XYLT1: variants seen among roughly 807,000 people sequenced by gnomAD.
The protein encoded by XYLT1 is xylosyltransferase 1, also known as beta-D-xylosyltransferase 1.
In XYLT1, 36 loss-of-function variants were observed where a neutral mutation model predicts 91.3. The observed-to-expected ratio is 0.39, with a 90% CI of 0.30 to 0.52. The LOEUF is 0.52. XYLT1 is among the 20% of genes least tolerant of loss of function. The pLI, the probability that XYLT1 is intolerant of heterozygous loss-of-function variation, is 0.68. For missense variants in XYLT1, 1,242 were observed against 1,284.5 expected (o/e 0.97, Z 0.51); for synonymous variants, 588 against 532.0 (o/e 1.11, Z -1.45).
intron 2 of XYLT1, among the ~76,000 whole-genome samples, chr16:17,281,503 T>C (rs536569429): frequency 3.8e-4 from 57 of 151,714 alleles, no homozygotes; most frequent in Non-Finnish European, 5.7e-4. Flanking sequence ...ACATTTATGT[T>C]GTTAAAAAAA....
intron 2 of XYLT1, among the ~76,000 whole-genome samples, chr16:17,326,696 G>T (rs1174630536): frequency 6.6e-6 from 1 of 151,980 alleles, no homozygotes; most frequent in Non-Finnish European, 1.5e-5. Context: ...GTGGTGGCAG[G>T]CACCTGTAGT....
intron 5 of XYLT1, among the ~76,000 whole-genome samples, chr16:17,160,948 A>C (rs184600005): frequency 2.6e-4 from 39 of 152,302 alleles, no homozygotes; most frequent in African/African-American, 8.7e-4. Context: ...ACTCTCCGCA[A>C]CAGTTCATTA....
At chr16:17,334,851 C>T (rs1193342341) in intron 2 of XYLT1, among the ~76,000 whole-genome samples, 1 of 151,736 alleles carries the variant, frequency 6.6e-6, no homozygotes, top group East Asian at 1.9e-4. Flanking sequence ...CCACTGCATT[C>T]CAGCCTGGGC....
At position 17,462,770 on chromosome 16, in the gene XYLT1, A is replaced by G. The variant is rs1596559467; in HGVS notation, c.363+7664T>C. Reference sequence around the variant, plus strand: ...CCTCCTCCGCTTCTCCCTTGGTTAGAGAGAGCTGAATTCAAGACTCCTCTC... The same window carrying G: ...CCTCCTCCGCTTCTCCCTTGGTTAGGGAGAGCTGAATTCAAGACTCCTCTC... On this transcript the variant is annotated intron_variant, in intron 1 of 11. Transcript: ENST00000261381. 3.9e-5 allele frequency among the ~76,000 whole-genome samples: 6 copies of G among 152,286 alleles called. 1 individual carries two copies. In the South Asian group the frequency reaches 1.2e-3, roughly 32 times the overall value.
chr16:17,349,807 T>C (rs947074796), intron 2 of XYLT1, among the ~76,000 whole-genome samples: 4 of 152,184 alleles, frequency 2.6e-5, no homozygotes, highest in Middle Eastern at 3.4e-3. Flanking sequence ...AATTTATGAA[T>C]GCATGTCCAA....
chr16:17,396,583 T>C (rs1417810833), intron 1 of XYLT1, among the ~76,000 whole-genome samples: 1 of 152,188 alleles, frequency 6.6e-6, no homozygotes, highest in Non-Finnish European at 1.5e-5. Flanking sequence ...ATAAAAAAGC[T>C]ATCTAGGCTG....
chr16:17,302,229 CTAATAA>C (rs1334747314), intron 2 of XYLT1, among the ~76,000 whole-genome samples: 2 of 151,428 alleles, frequency 1.3e-5, no homozygotes, highest in Admixed American at 6.6e-5. Context: ...ACTACTACTA[CTAATAA>C]TAATAATAAT....
At chr16:17,118,187 G>C (rs2141484948) in intron 10 of XYLT1, among the ~76,000 whole-genome samples, 1 of 152,282 alleles carries the variant, frequency 6.6e-6, no homozygotes, top group South Asian at 2.1e-4. Context: ...CAAAAGGCCT[G>C]TGGTCCTTTT....
intron 2 of XYLT1, among the ~76,000 whole-genome samples, chr16:17,333,123 C>T (rs1320240609): frequency 6.6e-6 from 1 of 152,064 alleles, no homozygotes; most frequent in Non-Finnish European, 1.5e-5. Context: ...AACTGTGTTC[C>T]GGGCTTTTCT....
rs1032987538 is a variant in XYLT1 at position 17,107,137 on chromosome 16, C to T, written c.*1558G>A. 6.6e-6 allele frequency: 1 copy of T among 152,184 alleles called. No homozygotes were observed. The allele number at this position is 152,184 out of a possible 1,614,324, so 9.4% of individuals were successfully genotyped here. On this transcript the variant is annotated 3_prime_UTR_variant, in exon 12 of 12. Coordinates refer to ENST00000261381, the MANE Select transcript of XYLT1 (RefSeq NM_022166.4). ...AAATATCTAAAGTGTCCCTTCTCTA[C>T]GTCCTCCATTGCCAACAGGACACCC...
chr16:17,177,825 C>G (rs1198773321), intron 5 of XYLT1, among the ~76,000 whole-genome samples: 1 of 152,186 alleles, frequency 6.6e-6, no homozygotes, highest in African/African-American at 2.4e-5. Context: ...CATGTCCAGT[C>G]ACTCTGGGAA....
chr16:17,419,733 A>G (rs973054465), intron 1 of XYLT1, among the ~76,000 whole-genome samples: 3 of 152,184 alleles, frequency 2.0e-5, no homozygotes, highest in Non-Finnish European at 4.4e-5. Flanking sequence ...AAACAAAACA[A>G]AACAAAAAAC....
intron 2 of XYLT1, among the ~76,000 whole-genome samples, chr16:17,333,272 T>C (rs7204301): frequency 0.69 from 104,654 of 152,114 alleles, 38,100 homozygotes; most frequent in African/African-American, 0.92. Context: ...AAATACATCC[T>C]AAATATTGTC....
chr16:17,423,345 G>A (rs1359426806), intron 1 of XYLT1, among the ~76,000 whole-genome samples: 4 of 149,586 alleles, frequency 2.7e-5, no homozygotes, highest in Non-Finnish European at 5.9e-5. Flanking sequence ...ACTCCTCAGG[G>A]GCAGCTGAGT....
intron 2 of XYLT1, among the ~76,000 whole-genome samples, chr16:17,304,009 G>A (rs943960122): frequency 6.6e-6 from 1 of 152,176 alleles, no homozygotes; most frequent in Non-Finnish European, 1.5e-5. Flanking sequence ...GTGTGTGTGT[G>A]TGTGTGTACA....
intron 3 of XYLT1, chr16:17,251,102 G>A (rs567958270): frequency 6.6e-6 from 1 of 152,294 alleles, no homozygotes; most frequent in East Asian, 1.9e-4. Flanking sequence ...AGGGCAGGAG[G>A]GATGTAGAAG....
intron 2 of XYLT1, among the ~76,000 whole-genome samples, chr16:17,346,854 G>A (rs528230622): frequency 4.7e-4 from 71 of 152,276 alleles, no homozygotes; most frequent in African/African-American, 1.7e-3. Context: ...CCACCCATCT[G>A]GCACCTGCAC....
chr16:17,366,324 A>T (rs1371994672), intron 1 of XYLT1, among the ~76,000 whole-genome samples: 1 of 152,198 alleles, frequency 6.6e-6, no homozygotes, highest in Non-Finnish European at 1.5e-5. Context: ...GTCAATATTG[A>T]CAATAATCAA....
At chr16:17,191,641 T>C (rs2032312300) in intron 5 of XYLT1, among the ~76,000 whole-genome samples, 1 of 152,222 alleles carries the variant, frequency 6.6e-6, no homozygotes, top group African/African-American at 2.4e-5. Context: ...GCTCAATTGG[T>C]CCCATATAAA....
Sources: allele counts gnomAD v4.1 joint callset (sites outside exome capture counted in the v4.1 genomes callset), GRCh38; gene constraint gnomAD v4.1.1; transcripts MANE v1.5; gene names NCBI Gene and HGNC (gene_info 2026-07-23, HGNC 2026-07-21).